ANK3: variants seen among roughly 807,000 people sequenced by gnomAD.
ANK3 encodes ankyrin-3.
A neutral mutation model predicts 370.9 loss-of-function variants in ANK3; 57 were observed. That is an observed-to-expected ratio of 0.15 (90% confidence interval 0.12 to 0.19). The LOEUF (loss-of-function observed/expected upper bound fraction) is 0.19, where lower values mean the gene tolerates loss of function less well. ANK3 is among the 10% of genes least tolerant of loss of function. ANK3 has a pLI of 1.00. For synonymous variants in ANK3, 1,929 were observed against 1,946.3 expected, an observed-to-expected ratio of 0.99 and a Z score of 0.23; for missense variants, 4,439 against 5,302.1, an observed-to-expected ratio of 0.84 and a Z score of 5.06.
chr10:60,469,683 T>G (rs1359029542), intron 2 of ANK3, among the ~76,000 whole-genome samples: 4 of 106,428 alleles, frequency 3.8e-5, no homozygotes, highest in Non-Finnish European at 7.8e-5. Context: ...ATATATATGG[T>G]GGTATATATA....
chr10:60,207,836 G>A (rs549753759), intron 10 of ANK3, among the ~76,000 whole-genome samples, 200 bp downstream of exon 10: 2 of 152,172 alleles, frequency 1.3e-5, no homozygotes, highest in African/African-American at 4.8e-5. Flanking sequence ...AACATTAACA[G>A]TTTGGCTCCC....
intron 1 of ANK3, among the ~76,000 whole-genome samples, chr10:60,692,918 C>A (rs999239198): frequency 1.3e-5 from 2 of 152,120 alleles, no homozygotes; most frequent in African/African-American, 4.8e-5. Context: ...ATTTTATTAC[C>A]ACTTATTAGG....
In ANK3 at chr10:60,070,260, C is replaced by T. The variant is rs1419945801; in HGVS notation, c.10621G>A (p.Asp3541Asn). The change falls in exon 37 of 44, where the codon GAT becomes AAT. Residue 3541 changes from aspartate (D) to asparagine (N), a missense_variant. Around this residue, in one of 13 missense-constraint regions of ANK3, gnomAD observed 1,601 missense variants for 1,731.7 expected, o/e 0.92. Transcript: ENST00000280772. This position sits in a 1 kb window ranked among gnomAD's most constrained non-coding sequence, Gnocchi z 5.7. ...PFKTVATKGL[D>N]FDPWSNNRGD... The stretch of plus-strand genomic sequence containing the variant: ...CGGTTATTAGACCAAGGGTCAAAAT[C>T]TAGACCTTTGGTAGCTACTGTTTTA... 1 of 1,614,098 alleles carries T rather than the reference C, an allele frequency of 6.2e-7. No homozygotes were observed. The highest frequency in any genetic ancestry group is 2.2e-5 in the East Asian group (1 of 44,866).
At chr10:60,419,682 A>T (rs1343874878) in intron 2 of ANK3, among the ~76,000 whole-genome samples, 3 of 152,132 alleles carry the variant, frequency 2.0e-5, no homozygotes, top group African/African-American at 7.2e-5. Context: ...TGCCTACCTA[A>T]GCCTGCCTTC....
At position 60,203,110 on chromosome 10, in the gene ANK3, AAAG is replaced by A. The variant is rs760979500; in HGVS notation, c.1294-13_1294-11del. 10 of 1,604,736 alleles carry A rather than the reference AAAG, an allele frequency of 6.2e-6. No homozygotes were observed. The Admixed American group carries it at 1.5e-4, about 24-fold the overall frequency. On this transcript the variant is annotated splice_polypyrimidine_tract_variant and intron_variant, in intron 11 of 43. Transcript: ENST00000280772. Reference sequence around the variant, plus strand: ...TTGGGGTAAGGCCCGACTAAGGGGAAAAGAAGAAAATGGTGGTTTGTTGGCTTA... The same window carrying A: ...TTGGGGTAAGGCCCGACTAAGGGGAAAAGAAAATGGTGGTTTGTTGGCTTA...
chr10:60,106,771 A>T (rs550647581), intron 27 of ANK3, among the ~76,000 whole-genome samples: 1 of 152,320 alleles, frequency 6.6e-6, no homozygotes, highest in East Asian at 1.9e-4. Context: ...AATGGCTGCA[A>T]ATTGAACATA....
intron 42 of ANK3, among the ~76,000 whole-genome samples, chr10:60,052,085 G>T (rs976130877): frequency 6.6e-5 from 10 of 152,128 alleles, no homozygotes; most frequent in African/African-American, 2.4e-4. Context: ...ATCTAGCTGG[G>T]CACGGTGGCT....
intron 1 of ANK3, among the ~76,000 whole-genome samples, chr10:60,324,601 T>C (rs574585169): frequency 6.6e-6 from 1 of 152,120 alleles, no homozygotes. Flanking sequence ...AAATGGCCAG[T>C]CAGCTGCAGT....
intron 1 of ANK3, among the ~76,000 whole-genome samples, chr10:60,632,182 AATGTT>A (rs10603149): frequency 0.62 from 85,475 of 138,058 alleles, 24,421 homozygotes; most frequent in South Asian, 0.68. Flanking sequence ...AATACCATTT[AATGTT>A]ATGTTATCTT....
intron 7 of ANK3, among the ~76,000 whole-genome samples, chr10:60,240,273 CACACACACATATATATATATATATAT>C (rs2097427532): frequency 3.0e-5 from 3 of 98,786 alleles, no homozygotes; most frequent in African/African-American, 1.3e-4. Flanking sequence ...CATATATATA[CACACACACATATATATATATATATAT>C]ATATATATTT....
chr10:60,073,358 G>A lies in ANK3; in HGVS notation c.7523C>T (p.Thr2508Ile), dbSNP rs1305675736. ...SDKRSREKIA[T>I]APKKEILSKI... Reference sequence around the variant, plus strand: ...GGAGAGAATTTCTTTTTTGGGGGCAGTGGCTATTTTTTCTCTGGACCGCTT... The same window carrying A: ...GGAGAGAATTTCTTTTTTGGGGGCAATGGCTATTTTTTCTCTGGACCGCTT... The change falls in exon 37 of 44, where the codon ACT becomes ATT. Residue 2508 changes from threonine to isoleucine, a missense_variant. By Grantham distance (89) the Thr-to-Ile change is moderately conservative. This residue lies in a region of ANK3 where 1,601 missense variants were observed against 1,731.7 expected (regional missense o/e 0.92). Transcript: ENST00000280772. The A allele has an allele frequency of 6.2e-7, 1 of 1,613,696 alleles. No homozygotes were observed. The highest frequency in any genetic ancestry group is 8.5e-7 in the Non-Finnish European group (1 of 1,180,018).
intron 23 of ANK3, chr10:60,141,153 C>T (rs2094540457): frequency 1.1e-5 from 4 of 378,820 alleles, no homozygotes; most frequent in Non-Finnish European, 1.4e-5. Context: ...CATAACTCTC[C>T]AAGAGGCACT....
chr10:60,217,138 T>A (rs1391205195), intron 8 of ANK3, among the ~76,000 whole-genome samples: 1 of 152,144 alleles, frequency 6.6e-6, no homozygotes, highest in Non-Finnish European at 1.5e-5. Context: ...TTATTGTCTA[T>A]TTGATTCTTC....
chr10:60,257,520 T>C (rs2097756366), intron 7 of ANK3, among the ~76,000 whole-genome samples: 1 of 152,218 alleles, frequency 6.6e-6, no homozygotes, highest in South Asian at 2.1e-4. Flanking sequence ...TTCTCTGTTC[T>C]TAAGGATTCA....
intron 2 of ANK3, among the ~76,000 whole-genome samples, chr10:60,468,999 A>ATATATATATATACCACTTTTAG (rs2065080594): frequency 1.4e-4 from 3 of 21,980 alleles, no homozygotes; most frequent in Non-Finnish European, 1.8e-4. Flanking sequence ...TTTAGTGTGT[A>ATATATATATATACCACTTTTAG]TATATATATA....
At chr10:60,349,696 G>C (rs886691789) in intron 1 of ANK3, among the ~76,000 whole-genome samples, 1 of 152,118 alleles carries the variant, frequency 6.6e-6, no homozygotes, top group Non-Finnish European at 1.5e-5. Context: ...CAGAGGAGAG[G>C]ATATATAAAT....
intron 1 of ANK3, among the ~76,000 whole-genome samples, chr10:60,624,293 C>T (rs1015134994): frequency 6.6e-6 from 1 of 152,098 alleles, no homozygotes; most frequent in African/African-American, 2.4e-5. Flanking sequence ...ATATTTAATA[C>T]AGTCGATAAA....
At chr10:60,527,877 C>T (rs939968963) in intron 2 of ANK3, among the ~76,000 whole-genome samples, 1 of 152,072 alleles carries the variant, frequency 6.6e-6, no homozygotes, top group South Asian at 2.1e-4. Flanking sequence ...GGTCTGTCTG[C>T]ACTACCTGAG....
chr10:60,203,669 C>T (rs2393623), intron 11 of ANK3, among the ~76,000 whole-genome samples: 1 of 152,016 alleles, frequency 6.6e-6, no homozygotes, highest in African/African-American at 2.4e-5. Flanking sequence ...TTAAAGCAAT[C>T]TAAATAAAGC....
Sources: gnomAD v4.1 joint callset for allele counts (sites outside exome capture counted in the v4.1 genomes callset) on GRCh38, gnomAD v4.1.1 for gene constraint, gnomAD v4.1.1 regional missense constraint, Gnocchi (gnomAD v3.1) non-coding constraint, MANE v1.5 for transcripts, NCBI Gene and HGNC (gene_info 2026-07-23, HGNC 2026-07-21) for gene names.